ATG2A: variants seen among roughly 807,000 people sequenced by gnomAD.
ATG2A encodes the protein autophagy-related protein 2 homolog A.
ATG2A carries 103 observed loss-of-function variants against 214.2 expected under a neutral mutation model. That is an observed-to-expected ratio of 0.48 (90% CI 0.41 to 0.57). The LOEUF (loss-of-function observed/expected upper bound fraction) is 0.57. ATG2A is among the 20% of genes least tolerant of loss of function. The pLI, the probability that ATG2A is intolerant of heterozygous loss-of-function variation, is 0.00. For synonymous variants in ATG2A, 1,160 were observed against 1,142.1 expected (o/e 1.02, Z -0.32); for missense variants, 2,312 against 2,613.2 (o/e 0.88, Z 2.51).
Position 64,901,039 on chromosome 11 carries a change from C to A in ATG2A, c.4173G>T (p.Val1391=). 6.3e-7 allele frequency: 1 copy of A among 1,587,700 alleles called. No individual in the cohort carries two copies. ...TCGGCCGTGAGAAGTAACCGTCCCT[C>A]ACAACGATGGGGCCGGGATGCAGCT... ...VTQLHPGPIV[V]RDGYFSRPIG... The change falls in exon 30 of 41, where the codon GTG becomes GTT. Residue 1391 remains valine (V), a synonymous_variant. Transcript: ENST00000377264.
chr11:64,914,228 C>G lies in ATG2A; in HGVS notation c.340G>C (p.Gly114Arg). Residue 114 changes from glycine to arginine, a missense_variant, in exon 3 of 41, where the codon GGG (glycine) becomes CGG (arginine). Gly to Arg is a moderately radical substitution (Grantham distance 125). Coordinates refer to ENST00000377264, the MANE Select transcript of ATG2A (RefSeq NM_015104.3). ...TLQPRRGPAPGAADSQSWASC... is the reference protein window; with the variant it reads ...TLQPRRGPAPRAADSQSWASC... The stretch of plus-strand genomic sequence containing the variant: ...GCCCAGCTCTGTGAGTCGGCAGCCC[C>G]TGGCGCTGTAGGGAGAAACAGGGTC... The G allele has an allele frequency of 1.3e-6, 2 of 1,552,606 alleles. No individual in the cohort carries two copies.
At chr11:64,899,106 C>A (rs967470680) in intron 31 of ATG2A, among the ~76,000 whole-genome samples, 1 of 152,192 alleles carries the variant, frequency 6.6e-6, no homozygotes, top group African/African-American at 2.4e-5. Context: ...GGTTTCACAA[C>A]GTTGGCCAGG....
In ATG2A at chr11:64,903,466, G is replaced by A. The variant is rs972895683; in HGVS notation, c.3536-102C>T. On this transcript the variant is annotated intron_variant, in intron 25 of 40. Transcript: ENST00000377264. The surrounding 1 kb of genome is among the most constrained non-coding windows in gnomAD (Gnocchi z 4.2). ...GGTTGATCCAGGTGTAGTCCCTGCT[G>A]TGCGGGCTACGTGTGGGAGCTAAGG... 65 of 1,510,102 alleles carry A rather than the reference G, an allele frequency of 4.3e-5. No homozygotes were observed. Among genetic ancestry groups the A allele is most frequent in the Non-Finnish European group, 5.6e-5 (62 of 1,103,556 alleles). The allele number at this position is 1,510,102 out of a possible 1,614,324, so 93.5% of individuals were successfully genotyped here.
At position 64,900,721 on chromosome 11, in the gene ATG2A, C is replaced by T. The variant is rs1043134002; in HGVS notation, c.4329-92G>A. 5.5e-5 allele frequency: 81 copies of T among 1,463,196 alleles called. No individual in the cohort carries two copies. In the African/African-American group the frequency reaches 7.6e-4, roughly 14 times the overall value. 90.6% of individuals were successfully genotyped at this position (1,463,196 alleles called of 1,614,324 possible). A position where few individuals can be genotyped will look rare whatever the true frequency, so the allele number is the denominator to read the frequency against. ...CTTTTAGCCTGGGACAAGAGACCCC[C>T]GCTAGCCCCAGTCCTGGAAGGCAGG... is the stretch of plus-strand genomic sequence containing the variant. On this transcript the variant is annotated intron_variant, in intron 30 of 40. Coordinates refer to ENST00000377264, the MANE Select transcript of ATG2A (RefSeq NM_015104.3).
rs930556475 is a variant in ATG2A, at chr11:64,906,552, A to T, written c.2984-19T>A. 22 of 1,610,494 alleles carry T rather than the reference A, an allele frequency of 1.4e-5. No homozygotes were observed. Among genetic ancestry groups the T allele is most frequent in the African/African-American group, 2.7e-5 (2 of 74,820 alleles). On this transcript the variant is annotated intron_variant, in intron 20 of 40. Transcript: ENST00000377264. ...ACGGCCGCTGGGGAGGGGTCTCATG[A>T]GCCCCCTGCCAAGCCAACTGGCTAC...
intron 9 of ATG2A, 63 bp downstream of exon 9, chr11:64,911,779 C>G (rs927356013): frequency 6.3e-7 from 1 of 1,594,400 alleles, no homozygotes; most frequent in African/African-American, 1.3e-5. Context: ...TGACAGCCCA[C>G]GGCACTAAGG....
chr11:64,913,807 C>T lies in ATG2A; in HGVS notation c.590+14G>A, dbSNP rs754731493. On this transcript the variant is annotated intron_variant, in intron 4 of 40. Coordinates refer to ENST00000377264, the MANE Select transcript of ATG2A (RefSeq NM_015104.3). The surrounding 1 kb of genome is among the most constrained non-coding windows in gnomAD (Gnocchi z 4.3). Reference sequence around the variant, plus strand: ...ATCTTCACACCAGTCCACCCCAGATCGGCCTGCCCTTACCTCTGCACACGG... The same window carrying T: ...ATCTTCACACCAGTCCACCCCAGATTGGCCTGCCCTTACCTCTGCACACGG... 95 of 1,610,576 alleles carry T rather than the reference C, an allele frequency of 5.9e-5. No individual in the cohort carries two copies. Among genetic ancestry groups the T allele is most frequent in the Middle Eastern group, 1.6e-4 (1 of 6,080 alleles).
Position 64,907,745 on chromosome 11 carries a change from C to T in ATG2A, c.2507+3G>A, listed in dbSNP as rs1297543288. 3 of 1,613,164 alleles carry T rather than the reference C, an allele frequency of 1.9e-6. No homozygotes were observed. Among genetic ancestry groups the T allele is most frequent in the Middle Eastern group, 1.6e-4 (1 of 6,062 alleles). ...TCCCGCCCTGCTGGCCCCGGGTCTC[C>T]ACCTGTTGTAGATGCTCTCGTAGAC... On this transcript the variant is annotated splice_donor_region_variant and intron_variant, in intron 17 of 40. Coordinates refer to ENST00000377264, the MANE Select transcript of ATG2A (RefSeq NM_015104.3).
chr11:64,901,827 G>T (rs918200244), intron 29 of ATG2A, 135 bp downstream of exon 29: 1 of 1,026,352 alleles, frequency 9.7e-7, no homozygotes, highest in East Asian at 2.6e-5. Flanking sequence ...CCCCCGAGGT[G>T]ATGGCAACCA....
intron 6 of ATG2A, chr11:64,912,624 A>AC (rs1401719899): frequency 1.4e-5 from 8 of 558,180 alleles, no homozygotes; most frequent in Admixed American, 3.4e-5. Context: ...ATGGAGTTTC[A>AC]CTCTTGTTGC....
Position 64,911,217 on chromosome 11 carries a change from C to G in ATG2A, c.1287G>C (p.Met429Ile), listed in dbSNP as rs763452959. 6.2e-7 allele frequency: 1 copy of G among 1,614,092 alleles called. No individual in the cohort carries two copies. Among genetic ancestry groups the G allele is most frequent in the Non-Finnish European group, 8.5e-7 (1 of 1,180,038 alleles). ...AGGTCAGGGTCACACCCCCCAAGGT[C>G]ATCTTCAGCAGCGAGTCAGGGCGCA... ...DTMRPDSLLK[M>I]TLGGVTLTLL... Residue 429 changes from methionine to isoleucine, a missense_variant, in exon 10 of 41, where the codon ATG becomes ATC. Physicochemically the swap from Met to Ile is conservative, Grantham distance 10. Coordinates refer to ENST00000377264, the MANE Select transcript of ATG2A (RefSeq NM_015104.3).
Position 64,896,792 on chromosome 11 carries a change from C to T in ATG2A, c.5228G>A (p.Gly1743Asp). 1.2e-6 allele frequency: 2 copies of T among 1,614,174 alleles called. No individual in the cohort carries two copies. Among genetic ancestry groups the T allele is most frequent in the Non-Finnish European group, 1.7e-6 (2 of 1,180,040 alleles). The change falls in exon 38 of 41, where the codon GGC (glycine) becomes GAC (aspartate). Residue 1743 changes from glycine to aspartate, a missense_variant. Physicochemically the swap from Gly to Asp is moderately conservative, Grantham distance 94. Coordinates refer to ENST00000377264, the MANE Select transcript of ATG2A (RefSeq NM_015104.3). The stretch of plus-strand genomic sequence containing the variant: ...CATGGGGCCCACGCCTCCCAGCAGG[C>T]CGGGCAGCTGGTTCTTGCGGATGTC... ...LQDIRKNQLP[G>D]LLGGVGPMHS... is the part of the protein sequence containing the mutation.
Position 64,903,200 on chromosome 11 carries a change from G to C in ATG2A, c.3612+88C>G. On this transcript the variant is annotated intron_variant, in intron 26 of 40. Coordinates refer to ENST00000377264, the MANE Select transcript of ATG2A (RefSeq NM_015104.3). The surrounding 1 kb of genome is among the most constrained non-coding windows in gnomAD (Gnocchi z 4.2). ...AGGCATGAACTGTGTCCGGAGCCCAGGCACGTGAGGGAGCAGCAGCCCCTG... is the reference window on the plus strand; with the variant it reads ...AGGCATGAACTGTGTCCGGAGCCCACGCACGTGAGGGAGCAGCAGCCCCTG... 7.8e-7 allele frequency: 1 copy of C among 1,278,438 alleles called. No individual in the cohort carries two copies. Among genetic ancestry groups the C allele is most frequent in the Non-Finnish European group, 1.1e-6 (1 of 888,310 alleles). 79.2% of individuals were successfully genotyped at this position (1,278,438 alleles called of 1,614,324 possible).
Position 64,910,646 on chromosome 11 carries a change from G to C in ATG2A, c.1677C>G (p.Arg559=). 2.5e-6 allele frequency: 4 copies of C among 1,607,792 alleles called. No individual in the cohort carries two copies. Among genetic ancestry groups the C allele is most frequent in the Non-Finnish European group, 2.5e-6 (3 of 1,177,492 alleles). Residue 559 remains arginine (R), a synonymous_variant, in exon 12 of 41, where the codon CGC becomes CGG. Transcript: ENST00000377264. ...GCACACGGCGCAGGATCTGTGTGTGGCGCAGATGGGCGCAGGGCCGAGCTG... is the reference window on the plus strand; with the variant it reads ...GCACACGGCGCAGGATCTGTGTGTGCCGCAGATGGGCGCAGGGCCGAGCTG... ...QASARPCAHL[R]HTQILRRVPK...
chr11:64,911,333 A>G, intron 9 of ATG2A, 58 bp from the exon 10 acceptor site: 3 of 1,559,548 alleles, frequency 1.9e-6, no homozygotes, highest in Non-Finnish European at 2.6e-6. Context: ...CCCCAGGTGG[A>G]GCAATAGTTT....
At chr11:64,899,634 T>C (rs1402053907) in intron 31 of ATG2A, among the ~76,000 whole-genome samples, 2 of 152,030 alleles carry the variant, frequency 1.3e-5, no homozygotes, top group Admixed American at 1.3e-4. Context: ...TCTCTGTATC[T>C]CACACACCCC....
In ATG2A at chr11:64,903,832, C is replaced by A. The variant is rs762653496; in HGVS notation, c.3465-172G>T. Among the ~76,000 whole-genome samples the A allele has an allele frequency of 6.6e-6, 1 of 152,244 alleles. No individual in the cohort carries two copies. The highest frequency in any genetic ancestry group is 1.9e-4 in the East Asian group (1 of 5,206). On this transcript the variant is annotated intron_variant, in intron 24 of 40. Transcript: ENST00000377264. This position sits in a 1 kb window ranked among gnomAD's most constrained non-coding sequence, Gnocchi z 4.2. ...GGCCCAGACAGCAGGCAGTGGGAAG[C>A]GGGCAGCACTTGCAGCTCTCAAAGT...
chr11:64,908,878 C>T, intron 16 of ATG2A, 113 bp downstream of exon 16: 2 of 1,246,422 alleles, frequency 1.6e-6, no homozygotes, highest in Non-Finnish European at 1.1e-6. Flanking sequence ...CAGCTCATGC[C>T]CACCCCAGGT....
rs546137314 is a variant in ATG2A, at chr11:64,902,024, C to T, written c.4057G>A (p.Asp1353Asn). 2.3e-4 allele frequency: 378 copies of T among 1,613,988 alleles called. 3 individuals are homozygous for T. The highest frequency in any genetic ancestry group is 2.2e-3 in the South Asian group (197 of 91,086). Residue 1353 changes from aspartate (D) to asparagine (N), a missense_variant, in exon 29 of 41, where the codon GAT becomes AAT. Coordinates refer to ENST00000377264, the MANE Select transcript of ATG2A (RefSeq NM_015104.3). ...TCATCACTGTCCAGGGTGTCTCCAT[C>T]GCCCTCCTCTTCCCTTTCATCTTCC... The part of the protein sequence containing the change: ...EKEDEREEEG[D>N]GDTLDSDEFC...
Sources: gnomAD v4.1 joint callset for allele counts (sites outside exome capture counted in the v4.1 genomes callset) on GRCh38, gnomAD v4.1.1 for gene constraint, Gnocchi (gnomAD v3.1) non-coding constraint, MANE v1.5 for transcripts, NCBI Gene and HGNC (gene_info 2026-07-23, HGNC 2026-07-21) for gene names.